The following SLX4IP variants were observed in gnomAD, a reference collection of about 807,000 sequenced individuals.
SLX4IP encodes the protein SLX4 interacting protein.
SLX4IP carries 34 observed loss-of-function variants against 32.9 expected under a neutral mutation model. The observed-to-expected ratio is 1.03, with a 90% confidence interval of 0.79 to 1.38. SLX4IP has a LOEUF of 1.38. SLX4IP is among the 40% of genes most tolerant of loss of function. The pLI is 0.00. For missense variants in SLX4IP, 444 were observed against 479.0 expected, an observed-to-expected ratio of 0.93 and a Z score of 0.68; for synonymous variants, 172 against 171.7, an observed-to-expected ratio of 1.00 and a Z score of -0.01.
chr20:10,560,794 C>G lies in SLX4IP; in HGVS notation c.212C>G (p.Thr71Arg), dbSNP rs745614443. 1.9e-6 allele frequency: 3 copies of G among 1,606,968 alleles called. No homozygotes were observed. The highest frequency in any genetic ancestry group is 1.7e-6 in the Non-Finnish European group (2 of 1,176,866). Reference sequence around the variant, plus strand: ...CACAGGCCATCAAATGCAGAATTCACAAGATCCAATCCCTTGTCCTTAAAA... The same window carrying G: ...CACAGGCCATCAAATGCAGAATTCAGAAGATCCAATCCCTTGTCCTTAAAA... ...KQHRPSNAEF[T>R]RSNPLSLKGY... Residue 71 changes from threonine (T) to arginine (R), a missense_variant, in exon 4 of 8, where the codon ACA (threonine) becomes AGA (arginine). Thr to Arg is a moderately conservative substitution (Grantham distance 71). Coordinates refer to ENST00000334534, the MANE Select transcript of SLX4IP (RefSeq NM_001009608.3).
chr20:10,613,088 C>G (rs571932298), intron 6 of SLX4IP: 1 of 304,644 alleles, frequency 3.3e-6, no homozygotes, highest in African/African-American at 2.2e-5. Flanking sequence ...CTAACAGACA[C>G]GCACATCGCA....
At position 10,592,868 on chromosome 20, in the gene SLX4IP, G is replaced by A. The variant is rs1273064702; in HGVS notation, c.239-5807G>A. Among the ~76,000 whole-genome samples the A allele has an allele frequency of 5.9e-5, 9 of 152,028 alleles. No individual in the cohort carries two copies. In the South Asian group the frequency reaches 6.2e-4, roughly 11 times the overall value. ...AGGATGGTCTCGATCTCCTGACCTC[G>A]TGATCTGCCCACCTTGGCCTCCCAA... On this transcript the variant is annotated intron_variant, in intron 4 of 7. Coordinates refer to ENST00000334534, the MANE Select transcript of SLX4IP (RefSeq NM_001009608.3).
intron 4 of SLX4IP, among the ~76,000 whole-genome samples, chr20:10,584,202 G>T (rs759558908): frequency 1.3e-5 from 2 of 152,096 alleles, no homozygotes; most frequent in African/African-American, 4.8e-5. Flanking sequence ...AACAAAGAAG[G>T]CATGAGACCG....
intron 2 of SLX4IP, among the ~76,000 whole-genome samples, chr20:10,512,716 T>A (rs1245180694): frequency 8.1e-6 from 1 of 124,162 alleles, no homozygotes; most frequent in African/African-American, 3.0e-5. Flanking sequence ...TGTATATATA[T>A]TTTATATATA....
chr20:10,620,879 A>G (rs957637102), intron 6 of SLX4IP, among the ~76,000 whole-genome samples: 2 of 152,186 alleles, frequency 1.3e-5, no homozygotes, highest in African/African-American at 4.8e-5. Flanking sequence ...GTTTTTGCAG[A>G]TAGAGAAAAT....
In SLX4IP at chr20:10,485,727, A is replaced by G. The variant is rs140280675; in HGVS notation, c.27+27496A>G. On this transcript the variant is annotated intron_variant, in intron 2 of 7. Transcript: ENST00000334534. The stretch of plus-strand genomic sequence containing the variant: ...GATAACATAAATAGTCCATTAACAC[A>G]TATTTTTATGTTATATGTACTATAT... 8.7e-3 allele frequency among the ~76,000 whole-genome samples: 1,329 copies of G among 152,234 alleles called. 23 individuals carry two copies. Among genetic ancestry groups the G allele is most frequent in the African/African-American group, 0.03 (1,251 of 41,524 alleles).
chr20:10,582,764 A>T (rs2066599821), intron 4 of SLX4IP, among the ~76,000 whole-genome samples: 1 of 152,208 alleles, frequency 6.6e-6, no homozygotes, highest in East Asian at 1.9e-4. Context: ...TAGAAAAATT[A>T]TTCTAAAGAT....
chr20:10,445,031 T>G (rs566556013), intron 1 of SLX4IP, among the ~76,000 whole-genome samples: 5 of 152,298 alleles, frequency 3.3e-5, no homozygotes, highest in Non-Finnish European at 7.3e-5. Flanking sequence ...TCCCCACAGA[T>G]TCTCCGTCAA....
rs1213463584 is a variant in SLX4IP at position 10,512,776 on chromosome 20, CTCTATATATATATATATATATATATA to C, written c.28-43453_28-43428del. 1.6e-3 allele frequency among the ~76,000 whole-genome samples: 181 copies of C among 114,740 alleles called. 5 individuals are homozygous for C. The highest frequency in any genetic ancestry group is 5.8e-3 in the African/African-American group (150 of 25,904). The allele number at this position is 114,740 out of a possible 152,430, so 75.3% of individuals were successfully genotyped here. On this transcript the variant is annotated intron_variant, in intron 2 of 7. Coordinates refer to ENST00000334534, the MANE Select transcript of SLX4IP (RefSeq NM_001009608.3). ...TTATGTATATATATACACACACACA[CTCTATATATATATATATATATATATA>C]TATATATATATATATATATAGTTGT...
chr20:10,530,450 G>T (rs2065978944), intron 2 of SLX4IP, among the ~76,000 whole-genome samples: 2 of 152,220 alleles, frequency 1.3e-5, no homozygotes, highest in South Asian at 2.1e-4. Flanking sequence ...AAGAGCATCA[G>T]AGGGTAGAAG....
chr20:10,591,654 A>G (rs2066711353), intron 4 of SLX4IP, among the ~76,000 whole-genome samples: 1 of 152,342 alleles, frequency 6.6e-6, no homozygotes, highest in African/African-American at 2.4e-5. Context: ...ACAGTATTAT[A>G]TTATTCTTAT....
chr20:10,515,079 C>CTTTTTTTTTTT (rs35576843), intron 2 of SLX4IP, among the ~76,000 whole-genome samples: 1 of 82,890 alleles, frequency 1.2e-5, no homozygotes, highest in Non-Finnish European at 2.2e-5. Context: ...TAAGTTGAAG[C>CTTTTTTTTTTT]TTTTTTTTTT....
chr20:10,623,378 A>C lies in SLX4IP; in HGVS notation c.1226A>C (p.Ter409SerextTer10), dbSNP rs761575142. Residue 409 changes from the stop codon to serine (S), a stop_lost, in exon 8 of 8, where the codon TAA becomes TCA. Transcript: ENST00000334534. ...AGAAAGAAATACGAAAGAGGCCATT[A>C]ACACCGAAGAGGTTTGTACCGTTGG... Reference protein sequence around the residue: ...KKRKKYERGH* With the variant: ...KKRKKYERGHS The C allele has an allele frequency of 6.2e-7, 1 of 1,608,566 alleles. No homozygotes were observed. The highest frequency in any genetic ancestry group is 1.1e-5 in the South Asian group (1 of 90,454).
intron 4 of SLX4IP, among the ~76,000 whole-genome samples, chr20:10,578,545 G>T (rs957593353): frequency 2.0e-5 from 3 of 152,154 alleles, no homozygotes; most frequent in Non-Finnish European, 2.9e-5. Flanking sequence ...ATGGGTATTC[G>T]TGTACAAGTT....
chr20:10,469,001 C>T (rs1334985066), intron 2 of SLX4IP, among the ~76,000 whole-genome samples: 1 of 152,022 alleles, frequency 6.6e-6, no homozygotes, highest in Non-Finnish European at 1.5e-5. Flanking sequence ...TTGGGCCACA[C>T]ATAAAATACA....
At chr20:10,544,781 T>C (rs1173062685) in intron 2 of SLX4IP, among the ~76,000 whole-genome samples, 1 of 152,218 alleles carries the variant, frequency 6.6e-6, no homozygotes, top group African/African-American at 2.4e-5. Context: ...TTGTGAGTTT[T>C]ACAGTTGAAA....
intron 2 of SLX4IP, among the ~76,000 whole-genome samples, chr20:10,497,485 TC>T (rs371536411): frequency 1.8e-4 from 27 of 152,304 alleles, no homozygotes; most frequent in African/African-American, 5.5e-4. Flanking sequence ...ATTTTGGCAG[TC>T]TCTAGTATAC....
At chr20:10,458,060 A>T in intron 1 of SLX4IP, 116 bp from the exon 2 acceptor site, 5 of 520,204 alleles carry the variant, frequency 9.6e-6, no homozygotes, top group Non-Finnish European at 1.3e-5. Context: ...ATAAGTGAAC[A>T]TTCATCTCAT....
intron 2 of SLX4IP, among the ~76,000 whole-genome samples, chr20:10,466,736 T>C (rs1481397985): frequency 6.6e-6 from 1 of 152,118 alleles, no homozygotes; most frequent in Non-Finnish European, 1.5e-5. Context: ...GGTTGTCTAC[T>C]TTTTATTTTG....
Sources: allele counts gnomAD v4.1 joint callset (sites outside exome capture counted in the v4.1 genomes callset), GRCh38; gene constraint gnomAD v4.1.1; transcripts MANE v1.5; gene names NCBI Gene and HGNC (gene_info 2026-07-23, HGNC 2026-07-21).